COL12A1: variants seen among roughly 807,000 people sequenced by gnomAD.
COL12A1 encodes the protein collagen alpha-1(XII) chain.
A neutral mutation model predicts 349.7 loss-of-function variants in COL12A1; 114 were observed. The ratio of observed to expected loss-of-function variants is 0.33; its 90% CI spans 0.28 to 0.38. COL12A1 has a LOEUF of 0.38. COL12A1 is among the 10% of genes least tolerant of loss of function. The pLI, the probability that COL12A1 is intolerant of heterozygous loss-of-function variation, is 1.00. For synonymous variants in COL12A1, 1,369 were observed against 1,329.0 expected (o/e 1.03, Z -0.66); for missense variants, 3,284 against 3,756.9 (o/e 0.87, Z 3.29).
At position 75,151,141 on chromosome 6, in the gene COL12A1, C is replaced by A; in HGVS notation, c.4147G>T (p.Gly1383Cys). The change falls in exon 21 of 66, where the codon GGT becomes TGT. Residue 1383 changes from glycine (G) to cysteine (C), a missense_variant and splice_region_variant. By Grantham distance (159) the Gly-to-Cys change is radical. Around this residue, in one of 2 missense-constraint regions of COL12A1, gnomAD observed 2,601 missense variants for 2,824.8 expected, o/e 0.92. Coordinates refer to ENST00000322507, the MANE Select transcript of COL12A1 (RefSeq NM_004370.6). Reference protein sequence around the residue: ...INLCNSVKGPGDLEAPSNLVI... With the variant: ...INLCNSVKGPCDLEAPSNLVI... ...GAGAGAAACTCTGGGTTAAACTTAC[C>A]TGGACCTTTGACACTGTTACACAAA... The A allele has an allele frequency of 6.8e-7, 1 of 1,480,096 alleles. No homozygotes were observed. Among genetic ancestry groups the A allele is most frequent in the Non-Finnish European group, 9.1e-7 (1 of 1,096,406 alleles). 91.7% of individuals were successfully genotyped at this position (1,480,096 alleles called of 1,614,324 possible). A position where few individuals can be genotyped will look rare whatever the true frequency, so the allele number is the denominator to read the frequency against.
chr6:75,184,396 G>A (rs1422232720), intron 8 of COL12A1, among the ~76,000 whole-genome samples: 1 of 152,128 alleles, frequency 6.6e-6, no homozygotes, highest in East Asian at 1.9e-4. Flanking sequence ...ATTAATGTTG[G>A]GACACTTCAT....
At chr6:75,114,858 A>G (rs1237828272) in intron 49 of COL12A1, among the ~76,000 whole-genome samples, 1 of 152,048 alleles carries the variant, frequency 6.6e-6, no homozygotes, top group East Asian at 1.9e-4. Flanking sequence ...CTTTCCTTTC[A>G]GCCAAAAGTT....
At position 75,156,554 on chromosome 6, in the gene COL12A1, A is replaced by G. The variant is rs1767779882; in HGVS notation, c.2984-31T>C. The G allele has an allele frequency of 2.5e-6, 4 of 1,599,122 alleles. No homozygotes were observed. The East Asian group carries it at 6.7e-5, about 27-fold the overall frequency. The stretch of plus-strand genomic sequence containing the variant: ...AGATAAAAGGAAGATTAAACTGTAT[A>G]CCATGTTGAAAAAAAATGTATGTCC... On this transcript the variant is annotated intron_variant, in intron 14 of 65. Transcript: ENST00000322507.
chr6:75,168,497 G>A (rs1233216894), intron 13 of COL12A1, among the ~76,000 whole-genome samples: 2 of 152,184 alleles, frequency 1.3e-5, no homozygotes, highest in Admixed American at 1.3e-4. Flanking sequence ...AACAGGCTAT[G>A]TCACCTCCTG....
At chr6:75,123,923 C>G (rs749644764) in intron 42 of COL12A1, 25 bp downstream of exon 42, 1 of 1,592,524 alleles carries the variant, frequency 6.3e-7, no homozygotes, top group Non-Finnish European at 8.6e-7. Flanking sequence ...CTTATGAAAG[C>G]TTTCCAGATT....
intron 49 of COL12A1, among the ~76,000 whole-genome samples, chr6:75,114,583 TC>T (rs965182791): frequency 2.6e-5 from 4 of 151,916 alleles, no homozygotes; most frequent in Admixed American, 2.6e-4. Flanking sequence ...GATAATAAGC[TC>T]ATAGAAAAGA....
chr6:75,111,254 A>G (rs1180606422), intron 51 of COL12A1, among the ~76,000 whole-genome samples: 1 of 151,902 alleles, frequency 6.6e-6, no homozygotes, highest in East Asian at 1.9e-4. Flanking sequence ...AGATTATTAA[A>G]ATAAAAAACA....
chr6:75,194,997 G>T, intron 2 of COL12A1, 50 bp from the exon 3 acceptor site: 1 of 1,044,898 alleles, frequency 9.6e-7, no homozygotes, highest in Non-Finnish European at 1.4e-6. Context: ...TCACAAAATG[G>T]TCAATTTAAT....
intron 5 of COL12A1, among the ~76,000 whole-genome samples, chr6:75,190,540 T>C (rs1461453552): frequency 6.6e-6 from 1 of 151,986 alleles, no homozygotes; most frequent in Non-Finnish European, 1.5e-5. Context: ...TAAAAATCCA[T>C]GTGGTATCCT....
intron 55 of COL12A1, among the ~76,000 whole-genome samples, chr6:75,103,513 G>T (rs1037062560): frequency 6.6e-6 from 1 of 152,166 alleles, no homozygotes; most frequent in African/African-American, 2.4e-5. Context: ...AGGCCTTAAA[G>T]ATCTTCTGCA....
chr6:75,097,667 T>C (rs1166217456), intron 58 of COL12A1, among the ~76,000 whole-genome samples: 1 of 152,078 alleles, frequency 6.6e-6, no homozygotes, highest in African/African-American at 2.4e-5. Context: ...TAAAGGAAGA[T>C]TTACCCATTC....
rs1767498861 is a variant in COL12A1 at position 75,086,576 on chromosome 6, G to T, written c.9182-19C>A. 6.3e-7 allele frequency: 1 copy of T among 1,591,070 alleles called. No individual in the cohort carries two copies. The highest frequency in any genetic ancestry group is 8.6e-7 in the Non-Finnish European group (1 of 1,166,918). The stretch of plus-strand genomic sequence containing the variant: ...CCGGAACCTGAAACAGGTCAAAGAT[G>T]ATAGTTTTTAAAAGTTGAATGACTA... On this transcript the variant is annotated intron_variant, in intron 65 of 65. Coordinates refer to ENST00000322507, the MANE Select transcript of COL12A1 (RefSeq NM_004370.6).
chr6:75,180,025 A>T (rs950772549), intron 11 of COL12A1, among the ~76,000 whole-genome samples: 9 of 152,228 alleles, frequency 5.9e-5, no homozygotes, highest in African/African-American at 2.2e-4. Flanking sequence ...GCAGGGCGCT[A>T]TGCCACACAC....
rs1159706446 is a variant in COL12A1 at position 75,085,140 on chromosome 6, G to A, written c.*1407C>T. The A allele has an allele frequency of 2.3e-6, 1 of 440,862 alleles. No individual in the cohort carries two copies. Among genetic ancestry groups the A allele is most frequent in the Non-Finnish European group, 4.6e-6 (1 of 217,038 alleles). 27.3% of individuals were successfully genotyped at this position (440,862 alleles called of 1,614,324 possible). A position where few individuals can be genotyped will look rare whatever the true frequency, so the allele number is the denominator to read the frequency against. On this transcript the variant is annotated 3_prime_UTR_variant, in exon 66 of 66. Coordinates refer to ENST00000322507, the MANE Select transcript of COL12A1 (RefSeq NM_004370.6). ...ACTGCTCTATCTGACCTGTAAATGA[G>A]AATTTCAACACCTCCCCCAAGCCTC...
chr6:75,187,161 T>A (rs1362026161), intron 8 of COL12A1, among the ~76,000 whole-genome samples: 1 of 146,552 alleles, frequency 6.8e-6, no homozygotes, highest in African/African-American at 2.5e-5. Flanking sequence ...TAAATAAATA[T>A]ATATATATAT....
At chr6:75,171,617 T>C (rs1301626799) in intron 13 of COL12A1, among the ~76,000 whole-genome samples, 2 of 152,250 alleles carry the variant, frequency 1.3e-5, no homozygotes, top group East Asian at 3.8e-4. Flanking sequence ...TTCCTTCAAG[T>C]TCTGCTCTTA....
Position 75,183,278 on chromosome 6 carries a change from C to A in COL12A1, c.1663G>T (p.Asp555Tyr). 6.2e-7 allele frequency: 1 copy of A among 1,614,208 alleles called. No homozygotes were observed. The highest frequency in any genetic ancestry group is 8.5e-7 in the Non-Finnish European group (1 of 1,180,034). The change falls in exon 10 of 66, where the codon GAT becomes TAT. Residue 555 changes from aspartate (D) to tyrosine (Y), a missense_variant. Asp to Tyr is a radical substitution (Grantham distance 160, BLOSUM62 -3). Around this residue, in one of 2 missense-constraint regions of COL12A1, gnomAD observed 2,601 missense variants for 2,824.8 expected, o/e 0.92. Coordinates refer to ENST00000322507, the MANE Select transcript of COL12A1 (RefSeq NM_004370.6). ...MILITDGKSS[D>Y]AFRDPAIKLR... ...TTTATCGCAGGATCTCTGAAAGCAT[C>A]TGATGATTTCCCATCCGTGATAAGA...
At chr6:75,162,791 C>A (rs1768092120) in intron 14 of COL12A1, among the ~76,000 whole-genome samples, 1 of 152,096 alleles carries the variant, frequency 6.6e-6, no homozygotes, top group Non-Finnish European at 1.5e-5. Context: ...CCAGAATCTA[C>A]AAAGAACTGA....
Position 75,090,095 on chromosome 6 carries a change from G to A in COL12A1, c.8941+15C>T. The A allele has an allele frequency of 6.2e-7, 1 of 1,612,100 alleles. No individual in the cohort carries two copies. Among genetic ancestry groups the A allele is most frequent in the South Asian group, 1.1e-5 (1 of 90,974 alleles). ...TTCCTTCCTTTATCCCAATACAGAA[G>A]CCAGAAATGCCTACCTCGTTCCCCA... On this transcript the variant is annotated intron_variant, in intron 63 of 65. Coordinates refer to ENST00000322507, the MANE Select transcript of COL12A1 (RefSeq NM_004370.6). This position sits in a 1 kb window ranked among gnomAD's most constrained non-coding sequence, Gnocchi z 4.1.
Sources: gnomAD v4.1 joint callset for allele counts (sites outside exome capture counted in the v4.1 genomes callset) on GRCh38, gnomAD v4.1.1 for gene constraint, gnomAD v4.1.1 regional missense constraint, Gnocchi (gnomAD v3.1) non-coding constraint, MANE v1.5 for transcripts, NCBI Gene and HGNC (gene_info 2026-07-23, HGNC 2026-07-21) for gene names.